The following MYO5A variants were observed in gnomAD, a reference collection of about 807,000 sequenced individuals.
MYO5A encodes the protein myosin VA.
A neutral mutation model predicts 249.7 loss-of-function variants in MYO5A; 98 were observed. The ratio of observed to expected loss-of-function variants is 0.39; its 90% CI spans 0.33 to 0.46. MYO5A has a LOEUF of 0.46. MYO5A is among the 20% of genes least tolerant of loss of function. The pLI is 0.98. For synonymous variants in MYO5A, 778 were observed against 810.6 expected, an observed-to-expected ratio of 0.96 and a Z score of 0.68; for missense variants, 1,696 against 2,308.8, an observed-to-expected ratio of 0.73 and a Z score of 5.44.
At chr15:52,327,385 A>G (rs1245211077) in intron 36 of MYO5A, among the ~76,000 whole-genome samples, 1 of 152,188 alleles carries the variant, frequency 6.6e-6, no homozygotes, top group African/African-American at 2.4e-5. Flanking sequence ...TGTTCAAGGA[A>G]GAATGTTTCT....
At position 52,360,081 on chromosome 15, in the gene MYO5A, G is replaced by A; in HGVS notation, c.3310C>T (p.His1104Tyr). 6.2e-7 allele frequency: 1 copy of A among 1,601,808 alleles called. No homozygotes were observed. Among genetic ancestry groups the A allele is most frequent in the Non-Finnish European group, 8.6e-7 (1 of 1,169,292 alleles). The change falls in exon 25 of 42, where the codon CAT (histidine) becomes TAT (tyrosine). Residue 1104 changes from histidine (H) to tyrosine (Y), a missense_variant and splice_region_variant. Transcript: ENST00000399233. Reference protein sequence around the residue: ...DLKEEMTLMVHVPKPGHKRTD... With the variant: ...DLKEEMTLMVYVPKPGHKRTD... ...CTCTTGTGTCCAGGCTTAGGCACAT[G>A]CTGCAAGGCAAATAACCCAGGTATA...
intron 5 of MYO5A, among the ~76,000 whole-genome samples, chr15:52,414,696 T>C (rs572620661): frequency 2.0e-4 from 31 of 152,264 alleles, no homozygotes; most frequent in East Asian, 7.7e-4. Context: ...ACCAAGAATT[T>C]GTCATGACCA....
chr15:52,368,321 C>T (rs1317000573), intron 22 of MYO5A, among the ~76,000 whole-genome samples: 1 of 152,182 alleles, frequency 6.6e-6, no homozygotes, highest in African/African-American at 2.4e-5. Context: ...AGCCCCAGCT[C>T]TCTGTGGGCT....
At chr15:52,499,223 A>G (rs1021591630) in intron 1 of MYO5A, among the ~76,000 whole-genome samples, 9 of 152,230 alleles carry the variant, frequency 5.9e-5, no homozygotes, top group African/African-American at 2.2e-4. Context: ...GACATTAAAG[A>G]TATTTAAGCT....
Position 52,309,502 on chromosome 15 carries a change from C to T in MYO5A, c.*4194G>A, listed in dbSNP as rs1258750666. The T allele has an allele frequency of 2.0e-5, 3 of 152,198 alleles. No individual in the cohort carries two copies. The highest frequency in any genetic ancestry group is 4.4e-5 in the Non-Finnish European group (3 of 68,060). 9.4% of individuals were successfully genotyped at this position (152,198 alleles called of 1,614,324 possible). On this transcript the variant is annotated 3_prime_UTR_variant, in exon 42 of 42. Coordinates refer to ENST00000399233, the MANE Select transcript of MYO5A (RefSeq NM_001382347.1). ...CTCACGACATTTTTAAAGTCTCCTG[C>T]ATCACAGGTGCCCACACCACCACTG... is the stretch of plus-strand genomic sequence containing the variant.
intron 24 of MYO5A, among the ~76,000 whole-genome samples, chr15:52,364,246 A>T (rs2040693872): frequency 6.6e-6 from 1 of 152,082 alleles, no homozygotes; most frequent in Non-Finnish European, 1.5e-5. Context: ...CAAAAAAAAA[A>T]ACAAAAACAA....
At chr15:52,524,189 T>G (rs1178157196) in intron 1 of MYO5A, among the ~76,000 whole-genome samples, 1 of 152,180 alleles carries the variant, frequency 6.6e-6, no homozygotes, top group Non-Finnish European at 1.5e-5. Context: ...CATGGGAACC[T>G]CCTAATCAAA....
At chr15:52,442,851 G>T (rs1300461950) in intron 1 of MYO5A, among the ~76,000 whole-genome samples, 1 of 151,624 alleles carries the variant, frequency 6.6e-6, no homozygotes, top group African/African-American at 2.4e-5. Context: ...CACCTCCCAG[G>T]TTCGAGCGAT....
rs117886273 is a variant in MYO5A, at chr15:52,503,296, G to A, written c.27+25484C>T. Among the ~76,000 whole-genome samples, 1,147 of 152,102 alleles carry A rather than the reference G, an allele frequency of 7.5e-3. 6 individuals carry two copies. Among genetic ancestry groups the A allele is most frequent in the Admixed American group, 0.012 (184 of 15,276 alleles). The stretch of plus-strand genomic sequence containing the variant: ...AATGTATTAAATTATAACATTACCC[G>A]CAAAATATGTACATCTATTATGTAT... On this transcript the variant is annotated intron_variant, in intron 1 of 41. Transcript: ENST00000399233.
At position 52,330,219 on chromosome 15, in the gene MYO5A, C is replaced by T. The variant is rs528335099; in HGVS notation, c.4555+134G>A. 5.0e-6 allele frequency: 6 copies of T among 1,198,170 alleles called. No homozygotes were observed. The East Asian group carries it at 9.4e-5, about 19-fold the overall frequency. 74.2% of individuals were successfully genotyped at this position (1,198,170 alleles called of 1,614,324 possible). Reference sequence around the variant, plus strand: ...GCTTGGTGTGGTCAGAACACTACTGCAGCACTAGAATACATGGTATCTGAT... The same window carrying T: ...GCTTGGTGTGGTCAGAACACTACTGTAGCACTAGAATACATGGTATCTGAT... On this transcript the variant is annotated intron_variant, in intron 35 of 41. Coordinates refer to ENST00000399233, the MANE Select transcript of MYO5A (RefSeq NM_001382347.1).
At position 52,313,788 on chromosome 15, in the gene MYO5A, G is replaced by A; in HGVS notation, c.5551C>T (p.Pro1851Ser). ...GATGGGTTGAAAGGAAAGGTGACAG[G>A]AAAGATGTGTTTAGCATCCATGAGC... ...QLLMDAKHIF[P>S]VTFPFNPSSL... is the part of the protein sequence containing the mutation. The change falls in exon 42 of 42, where the codon CCT becomes TCT. Residue 1851 changes from proline to serine, a missense_variant. Pro to Ser is a moderately conservative substitution (Grantham distance 74). Coordinates refer to ENST00000399233, the MANE Select transcript of MYO5A (RefSeq NM_001382347.1). 2 of 1,614,120 alleles carry A rather than the reference G, an allele frequency of 1.2e-6. No homozygotes were observed. Among genetic ancestry groups the A allele is most frequent in the Admixed American group, 1.7e-5 (1 of 60,018 alleles).
At chr15:52,327,735 A>C in intron 36 of MYO5A, 117 bp downstream of exon 36, 1 of 1,111,414 alleles carries the variant, frequency 9.0e-7, no homozygotes, top group Non-Finnish European at 1.4e-6. Flanking sequence ...GTAAATAAAA[A>C]TTGGAAAGTT....
At chr15:52,392,233 A>G (rs1463934605) in intron 11 of MYO5A, among the ~76,000 whole-genome samples, 163 bp from the exon 12 acceptor site, 2 of 152,240 alleles carry the variant, frequency 1.3e-5, no homozygotes, top group Non-Finnish European at 2.9e-5. Context: ...AAACAACAGG[A>G]AAACCTCAGC....
intron 1 of MYO5A, among the ~76,000 whole-genome samples, chr15:52,437,311 C>T (rs554919725): frequency 2.6e-5 from 4 of 152,102 alleles, no homozygotes; most frequent in Admixed American, 1.3e-4. Flanking sequence ...GATTAAGAGT[C>T]GGGCTGGGCA....
chr15:52,427,542 T>C (rs115715467), intron 3 of MYO5A, among the ~76,000 whole-genome samples: 3,651 of 151,948 alleles, frequency 0.024, 138 homozygotes, highest in African/African-American at 0.084. Flanking sequence ...AAAATAACAA[T>C]TGAGAAACAG....
intron 1 of MYO5A, among the ~76,000 whole-genome samples, chr15:52,522,012 C>T (rs1348120358): frequency 3.3e-5 from 5 of 152,186 alleles, no homozygotes; most frequent in South Asian, 2.1e-4. Context: ...TATCCACTTC[C>T]GCCTCCCACT....
intron 9 of MYO5A, among the ~76,000 whole-genome samples, chr15:52,400,233 A>G (rs1362460044): frequency 6.6e-6 from 1 of 152,046 alleles, no homozygotes; most frequent in Non-Finnish European, 1.5e-5. Flanking sequence ...TTGTTTTATA[A>G]TTAACATAAT....
chr15:52,360,424 C>T (rs1163058663), intron 24 of MYO5A, among the ~76,000 whole-genome samples: 1 of 152,310 alleles, frequency 6.6e-6, no homozygotes, highest in African/African-American at 2.4e-5. Flanking sequence ...AGCTTCCAAG[C>T]ACTGACTTTT....
chr15:52,388,145 A>G (rs561231235), intron 13 of MYO5A, among the ~76,000 whole-genome samples: 2 of 152,272 alleles, frequency 1.3e-5, no homozygotes, highest in African/African-American at 4.8e-5. Context: ...GCTGATTGTG[A>G]TCTAAAAGAT....
Sources: allele counts gnomAD v4.1 joint callset (sites outside exome capture counted in the v4.1 genomes callset), GRCh38; gene constraint gnomAD v4.1.1; transcripts MANE v1.5; gene names NCBI Gene and HGNC (gene_info 2026-07-23, HGNC 2026-07-21).